Variants in ASPRV1 observed in about 807,000 individuals in gnomAD.
The protein encoded by ASPRV1 is aspartic peptidase retroviral like 1, also known as retroviral-like aspartic protease 1.
ASPRV1 carries 7 observed loss-of-function variants against 11.0 expected under a neutral mutation model. The ratio of observed to expected loss-of-function variants is 0.64; its 90% CI spans 0.36 to 1.20. The LOEUF (loss-of-function observed/expected upper bound fraction) is 1.20. Among genes scored for constraint, ASPRV1 ranks in the 50% most tolerant of loss-of-function variants. ASPRV1 has a pLI of 0.02. For missense variants in ASPRV1, 299 were observed against 320.0 expected (o/e 0.93, Z 0.50); for synonymous variants, 136 against 138.4 (o/e 0.98, Z 0.12).
the ASPRV1 span, among the ~76,000 whole-genome samples, chr2:69,978,606 C>A: frequency 1.3e-5 from 2 of 152,206 alleles, no homozygotes; most frequent in Admixed American, 1.3e-4. Context: ...ACAGATTACA[C>A]CAACGACAAG....
Position 69,960,182 on chromosome 2 carries a change from A to G in ASPRV1, c.*475T>C, listed in dbSNP as rs1678033074. ...TCAAAGCAAATGACAGAAAGAAAAT[A>G]CGATTGTACAGGTGGAAAGGCTCTT... On this transcript the variant is annotated 3_prime_UTR_variant, in exon 1 of 1. Transcript: ENST00000320256. The G allele has an allele frequency of 6.3e-6, 1 of 157,496 alleles. No individual in the cohort carries two copies. Among genetic ancestry groups the G allele is most frequent in the Non-Finnish European group, 1.4e-5 (1 of 71,452 alleles). 9.8% of individuals were successfully genotyped at this position (157,496 alleles called of 1,614,324 possible). A position where few individuals can be genotyped will look rare whatever the true frequency, so the allele number is the denominator to read the frequency against.
the ASPRV1 span, among the ~76,000 whole-genome samples, chr2:70,074,716 T>C: frequency 6.6e-6 from 1 of 151,942 alleles, no homozygotes; most frequent in Non-Finnish European, 1.5e-5. Flanking sequence ...CCATTTTTCA[T>C]ATGAGAAAAA....
chr2:69,996,868 G>C, the ASPRV1 span: 1 of 336,490 alleles, frequency 3.0e-6, no homozygotes, highest in Non-Finnish European at 6.0e-6. Flanking sequence ...CTCTGTCAAG[G>C]AGTGTGGAAA....
the ASPRV1 span, among the ~76,000 whole-genome samples, chr2:70,053,211 T>G: frequency 2.0e-5 from 3 of 152,116 alleles, no homozygotes; most frequent in Non-Finnish European, 4.4e-5. Flanking sequence ...ATTTTCAGTC[T>G]GGGGTGAGGG....
the ASPRV1 span, among the ~76,000 whole-genome samples, chr2:70,012,734 C>T: frequency 6.6e-6 from 1 of 152,142 alleles, no homozygotes; most frequent in African/African-American, 2.4e-5. Flanking sequence ...ATACTCTGTA[C>T]ACAAAGCACT....
the ASPRV1 span, among the ~76,000 whole-genome samples, chr2:70,057,383 G>C: frequency 6.6e-6 from 1 of 152,086 alleles, no homozygotes; most frequent in African/African-American, 2.4e-5. Context: ...CTTTTCTTTA[G>C]TTTTCTCTTA....
chr2:69,944,561 G>A, the ASPRV1 span, among the ~76,000 whole-genome samples: 2 of 152,216 alleles, frequency 1.3e-5, no homozygotes, highest in East Asian at 1.9e-4. Context: ...GTCAGCAGCC[G>A]GGCTGCTGAG....
At chr2:70,078,131 T>G in the ASPRV1 span, among the ~76,000 whole-genome samples, 5 of 152,204 alleles carry the variant, frequency 3.3e-5, no homozygotes, top group Non-Finnish European at 4.4e-5. Context: ...CACTCCAGCC[T>G]GGGCGACAGA....
the ASPRV1 span, among the ~76,000 whole-genome samples, chr2:70,042,839 G>A: frequency 1.3e-5 from 2 of 152,272 alleles, no homozygotes; most frequent in East Asian, 3.9e-4. Flanking sequence ...CTGCCCACTA[G>A]GGAAATGTGT....
chr2:70,064,766 T>C, the ASPRV1 span, among the ~76,000 whole-genome samples: 2 of 152,166 alleles, frequency 1.3e-5, no homozygotes, highest in South Asian at 2.1e-4. Context: ...TGTCAGACAT[T>C]GTCCTAGGTG....
chr2:70,066,349 C>T, the ASPRV1 span, among the ~76,000 whole-genome samples: 1 of 151,876 alleles, frequency 6.6e-6, no homozygotes, highest in Non-Finnish European at 1.5e-5. Context: ...AGTGATTCTC[C>T]TACCTCAGCC....
chr2:69,948,227 C>A, the ASPRV1 span, among the ~76,000 whole-genome samples: 1 of 152,090 alleles, frequency 6.6e-6, no homozygotes, highest in Non-Finnish European at 1.5e-5. Context: ...CAGCCCGGGC[C>A]ACAGAGTGAG....
chr2:70,039,481 A>G, the ASPRV1 span, among the ~76,000 whole-genome samples: 1 of 152,216 alleles, frequency 6.6e-6, no homozygotes, highest in Non-Finnish European at 1.5e-5. Flanking sequence ...CTTTAAGGAG[A>G]AGGATGACTC....
chr2:69,956,529 AAGGAGGAGGAGG>A (rs1374993507), downstream of ASPRV1, among the ~76,000 whole-genome samples: 1 of 146,294 alleles, frequency 6.8e-6, no homozygotes, highest in African/African-American at 2.6e-5. Context: ...GGAGGAGGAG[AAGGAGGAGGAGG>A]AGAAGAAGAA....
the ASPRV1 span, among the ~76,000 whole-genome samples, chr2:69,978,948 T>C: frequency 1.3e-5 from 2 of 152,080 alleles, no homozygotes; most frequent in Admixed American, 6.5e-5. Context: ...TGTGTTTCAA[T>C]GGTTGCATTT....
the ASPRV1 span, among the ~76,000 whole-genome samples, chr2:70,001,021 A>C: frequency 6.6e-6 from 1 of 152,078 alleles, no homozygotes; most frequent in Non-Finnish European, 1.5e-5. Context: ...CAGTGTTGGG[A>C]AGGACATAGT....
At chr2:69,994,146 T>C in the ASPRV1 span, 1 of 152,284 alleles carries the variant, frequency 6.6e-6, no homozygotes, top group Non-Finnish European at 1.5e-5. Context: ...TGGTAAGATG[T>C]TTCTGTCGTC....
chr2:69,986,254 C>A, the ASPRV1 span, among the ~76,000 whole-genome samples: 1 of 152,228 alleles, frequency 6.6e-6, no homozygotes, highest in Non-Finnish European at 1.5e-5. Flanking sequence ...CTGCTTCCTG[C>A]ATGGGCAACT....
At chr2:70,053,565 C>T in the ASPRV1 span, among the ~76,000 whole-genome samples, 15 of 152,278 alleles carry the variant, frequency 9.9e-5, no homozygotes, top group South Asian at 8.3e-4. Context: ...GAATTTAAGA[C>T]GCCTAAAGCA....
Sources: gnomAD v4.1 joint callset for allele counts (sites outside exome capture counted in the v4.1 genomes callset) on GRCh38, gnomAD v4.1.1 for gene constraint, MANE v1.5 for transcripts, NCBI Gene and HGNC (gene_info 2026-07-23, HGNC 2026-07-21) for gene names.